Variants in ALK observed in about 807,000 individuals in gnomAD.
ALK encodes the protein ALK tyrosine kinase receptor.
A neutral mutation model predicts 163.1 loss-of-function variants in ALK; 74 were observed. The observed-to-expected ratio is 0.45, with a 90% CI of 0.38 to 0.55. The LOEUF is 0.55. Among genes scored for constraint, ALK ranks in the 20% least tolerant of loss-of-function variants. ALK has a pLI of 0.00. For missense variants in ALK, 2,063 were observed against 2,105.3 expected (o/e 0.98, Z 0.39); for synonymous variants, 960 against 843.2 (o/e 1.14, Z -2.40).
intron 13 of ALK, among the ~76,000 whole-genome samples, chr2:29,234,245 C>A (rs986722845): frequency 6.6e-6 from 1 of 151,912 alleles, no homozygotes; most frequent in East Asian, 1.9e-4. Context: ...CTGGAGGGAG[C>A]GTAAATTAGG....
intron 4 of ALK, among the ~76,000 whole-genome samples, chr2:29,520,839 C>T (rs1315776216): frequency 6.6e-6 from 1 of 152,122 alleles, no homozygotes; most frequent in Non-Finnish European, 1.5e-5. Context: ...ACAGCTCAGA[C>T]TTGATCCTGG....
chr2:29,650,934 G>A lies in ALK; in HGVS notation c.952+43916C>T, dbSNP rs75064202. 7.9e-3 allele frequency among the ~76,000 whole-genome samples: 1,203 copies of A among 152,244 alleles called. 16 individuals are homozygous for A. Among genetic ancestry groups the A allele is most frequent in the African/African-American group, 0.027 (1,116 of 41,556 alleles). On this transcript the variant is annotated intron_variant, in intron 3 of 28. Coordinates refer to ENST00000389048, the MANE Select transcript of ALK (RefSeq NM_004304.5). ...AGATGCACCAAACGAATTAAATCAT[G>A]CGATAATTCAATTGGAAAATTGGGT...
At chr2:29,632,669 C>T (rs533891676) in intron 3 of ALK, among the ~76,000 whole-genome samples, 33 of 152,218 alleles carry the variant, frequency 2.2e-4, no homozygotes, top group African/African-American at 7.5e-4. Context: ...TCCATTTTCA[C>T]GCTGCCAATA....
At chr2:29,662,358 G>C (rs545273916) in intron 3 of ALK, among the ~76,000 whole-genome samples, 2 of 152,100 alleles carry the variant, frequency 1.3e-5, no homozygotes, top group African/African-American at 4.8e-5. Context: ...CAAACTCCCA[G>C]GTGCTCATGG....
chr2:29,524,624 A>G (rs1308175062), intron 4 of ALK, among the ~76,000 whole-genome samples: 1 of 152,254 alleles, frequency 6.6e-6, no homozygotes, highest in African/African-American at 2.4e-5. Flanking sequence ...CACTGTACAG[A>G]TATTTACCAT....
chr2:29,512,156 C>G (rs1043676646), intron 4 of ALK, among the ~76,000 whole-genome samples: 1 of 152,070 alleles, frequency 6.6e-6, no homozygotes, highest in Non-Finnish European at 1.5e-5. Context: ...ATAATTTTCT[C>G]TTATGTTTTA....
At chr2:29,230,335 C>A (rs1291646058) in intron 15 of ALK, among the ~76,000 whole-genome samples, 1 of 150,680 alleles carries the variant, frequency 6.6e-6, no homozygotes, top group Non-Finnish European at 1.5e-5. Context: ...TGGTTGAATC[C>A]CACGAACGCA....
chr2:29,717,597 C>T lies in ALK; in HGVS notation c.768G>A (p.Leu256=), dbSNP rs201536994. 27 of 1,613,836 alleles carry T rather than the reference C, an allele frequency of 1.7e-5. No homozygotes were observed. The East Asian group carries it at 5.6e-4, about 33-fold the overall frequency. The change falls in exon 2 of 29, where the codon CTG becomes CTA. Residue 256 remains leucine, a synonymous_variant. Coordinates refer to ENST00000389048, the MANE Select transcript of ALK (RefSeq NM_004304.5). ...TWIMKDSFPF[L]SHRSRYGLEC... is the part of the protein sequence containing the mutation. The stretch of plus-strand genomic sequence containing the variant: ...ACTTACCATATCGGCTGCGATGAGA[C>T]AGGAAAGGGAAGGAGTCTTTCATTA...
chr2:29,871,800 G>A (rs1282885593), intron 1 of ALK, among the ~76,000 whole-genome samples: 7 of 152,228 alleles, frequency 4.6e-5, no homozygotes, highest in Admixed American at 3.3e-4. Context: ...AGGTCACACA[G>A]ATGGTTCACA....
chr2:29,327,082 T>C (rs553817563), intron 6 of ALK, among the ~76,000 whole-genome samples: 3 of 152,212 alleles, frequency 2.0e-5, no homozygotes, highest in Non-Finnish European at 4.4e-5. Context: ...TCTGGAAGCG[T>C]TGGTGGTTTC....
At chr2:29,861,555 T>C (rs963751017) in intron 1 of ALK, among the ~76,000 whole-genome samples, 3 of 152,170 alleles carry the variant, frequency 2.0e-5, no homozygotes, top group African/African-American at 7.2e-5. Flanking sequence ...TTCCTAGAAA[T>C]ATACAACATA....
chr2:29,559,185 C>A (rs1373641113), intron 3 of ALK, among the ~76,000 whole-genome samples: 3 of 152,208 alleles, frequency 2.0e-5, no homozygotes, highest in African/African-American at 7.2e-5. Context: ...GAGCCCCCAA[C>A]TGAGCTTTAA....
intron 4 of ALK, among the ~76,000 whole-genome samples, chr2:29,515,648 T>A (rs1270823091): frequency 6.6e-6 from 1 of 152,092 alleles, no homozygotes; most frequent in Non-Finnish European, 1.5e-5. Flanking sequence ...TGGAAATCAA[T>A]AAACAATTTT....
intron 11 of ALK, among the ~76,000 whole-genome samples, chr2:29,272,234 T>G (rs1665411646): frequency 6.6e-6 from 1 of 150,716 alleles, no homozygotes; most frequent in Non-Finnish European, 1.5e-5. Context: ...TGCAGCCCCG[T>G]GGTCACATTA....
At chr2:29,911,176 C>T (rs1446218750) in intron 1 of ALK, among the ~76,000 whole-genome samples, 2 of 152,172 alleles carry the variant, frequency 1.3e-5, no homozygotes, top group African/African-American at 4.8e-5. Context: ...AGCTAAGGGG[C>T]CCAAAGCAAT....
At chr2:29,615,311 C>G (rs532993475) in intron 3 of ALK, among the ~76,000 whole-genome samples, 1 of 152,300 alleles carries the variant, frequency 6.6e-6, no homozygotes, top group East Asian at 1.9e-4. Context: ...AAGCTAACCC[C>G]TCTTTCTTCT....
chr2:29,376,210 C>T (rs900708393), intron 5 of ALK, among the ~76,000 whole-genome samples: 1 of 152,152 alleles, frequency 6.6e-6, no homozygotes, highest in African/African-American at 2.4e-5. Flanking sequence ...TAAGAGAAAG[C>T]TCTCCTGACC....
intron 4 of ALK, among the ~76,000 whole-genome samples, chr2:29,460,588 A>G (rs963795568): frequency 6.6e-6 from 1 of 152,070 alleles, no homozygotes; most frequent in East Asian, 1.9e-4. Flanking sequence ...GTGATCTGGG[A>G]TCAGTGATCT....
chr2:29,814,520 C>G (rs561065178), intron 1 of ALK, among the ~76,000 whole-genome samples: 1 of 151,836 alleles, frequency 6.6e-6, no homozygotes, highest in Admixed American at 6.6e-5. Context: ...ATTAGCTGGG[C>G]GAGGTGGCAG....
Sources: allele counts gnomAD v4.1 joint callset (sites outside exome capture counted in the v4.1 genomes callset), GRCh38; gene constraint gnomAD v4.1.1; transcripts MANE v1.5; gene names NCBI Gene and HGNC (gene_info 2026-07-23, HGNC 2026-07-21).